The following ADK variants were observed in gnomAD, a reference collection of about 807,000 sequenced individuals.
ADK encodes the protein adenosine kinase.
Under a neutral mutation model 44.7 loss-of-function variants are expected in ADK, and 24 were observed. That is an observed-to-expected ratio of 0.54 (90% CI 0.39 to 0.76). The LOEUF (loss-of-function observed/expected upper bound fraction) is 0.76, where lower values mean the gene tolerates loss of function less well. Ranked by LOEUF, ADK falls within the 30% of genes least tolerant of loss-of-function variation. The probability of loss-of-function intolerance (pLI) is 0.00; values close to 1 mark genes in which losing one functional copy is unlikely to be tolerated. For missense variants in ADK, 321 were observed against 425.1 expected (o/e 0.76, Z 2.15); for synonymous variants, 128 against 142.6 (o/e 0.90, Z 0.73).
chr10:74,655,625 G>A (rs1186703720), intron 9 of ADK: 2 of 444,904 alleles, frequency 4.5e-6, no homozygotes, highest in African/African-American at 2.0e-5. Context: ...TGAGGAGGAG[G>A]CCAAGATAAA....
At position 74,474,253 on chromosome 10, in the gene ADK, G is replaced by A. The variant is rs1846725145; in HGVS notation, c.556-51003G>A. Among the ~76,000 whole-genome samples the A allele has an allele frequency of 2.0e-5, 3 of 151,964 alleles. No individual in the cohort carries two copies. In the South Asian group the frequency reaches 6.2e-4, roughly 32 times the overall value. On this transcript the variant is annotated intron_variant, in intron 6 of 10. Transcript: ENST00000539909. ...TGAGTAGCTAGGACTATAGGCATGT[G>A]CCACCACGCCCAATTAACTAATTCT...
At chr10:74,507,337 G>T (rs1848120922) in intron 6 of ADK, among the ~76,000 whole-genome samples, 1 of 152,124 alleles carries the variant, frequency 6.6e-6, no homozygotes, top group African/African-American at 2.4e-5. Flanking sequence ...TCTAGACTGG[G>T]CACAGTGGCT....
At chr10:74,308,588 T>C (rs1173854747) in intron 3 of ADK, among the ~76,000 whole-genome samples, 5 of 152,238 alleles carry the variant, frequency 3.3e-5, no homozygotes, top group Non-Finnish European at 5.9e-5. Context: ...GAATGACTTA[T>C]GTTTTTAATT....
intron 6 of ADK, among the ~76,000 whole-genome samples, chr10:74,400,012 T>C (rs1843654987): frequency 6.6e-6 from 1 of 152,140 alleles, no homozygotes; most frequent in Non-Finnish European, 1.5e-5. Flanking sequence ...TAGATTCAAC[T>C]TGCAGACAAC....
At chr10:74,429,405 C>G (rs1844903858) in intron 6 of ADK, among the ~76,000 whole-genome samples, 1 of 152,066 alleles carries the variant, frequency 6.6e-6, no homozygotes. Flanking sequence ...CAAACTATCC[C>G]AATTTTAAGA....
At chr10:74,236,236 A>C (rs182757511) in intron 3 of ADK, among the ~76,000 whole-genome samples, 133 of 152,324 alleles carry the variant, frequency 8.7e-4, no homozygotes, top group African/African-American at 3.1e-3. Flanking sequence ...AAATGAGCGA[A>C]CTGATTTCAA....
At chr10:74,405,170 A>G (rs1428931091) in intron 6 of ADK, among the ~76,000 whole-genome samples, 1 of 152,086 alleles carries the variant, frequency 6.6e-6, no homozygotes, top group East Asian at 1.9e-4. Flanking sequence ...TCAAATAAAT[A>G]AAGCTAAATA....
At chr10:74,311,103 C>T (rs144785815) in intron 3 of ADK, among the ~76,000 whole-genome samples, 7 of 152,208 alleles carry the variant, frequency 4.6e-5, no homozygotes, top group African/African-American at 1.2e-4. Flanking sequence ...CCTAATTTGG[C>T]GATAACTACT....
chr10:74,154,088 A>C (rs560956083), intron 1 of ADK, among the ~76,000 whole-genome samples: 5 of 152,272 alleles, frequency 3.3e-5, no homozygotes, highest in Admixed American at 6.5e-5. Flanking sequence ...TCTGTGAAGT[A>C]GGGTATCTGC....
chr10:74,398,078 A>G (rs1843581065), intron 5 of ADK, among the ~76,000 whole-genome samples: 1 of 152,128 alleles, frequency 6.6e-6, no homozygotes, highest in Non-Finnish European at 1.5e-5. Flanking sequence ...TAGTATGTTG[A>G]TATTTATTTT....
intron 6 of ADK, among the ~76,000 whole-genome samples, chr10:74,450,183 A>T (rs980756074): frequency 1.3e-5 from 2 of 152,148 alleles, no homozygotes; most frequent in African/African-American, 4.8e-5. Context: ...ACATGGTGGC[A>T]TGTGCCTGTA....
At chr10:74,424,854 T>G (rs1844736211) in intron 6 of ADK, among the ~76,000 whole-genome samples, 1 of 152,210 alleles carries the variant, frequency 6.6e-6, no homozygotes, top group Non-Finnish European at 1.5e-5. Flanking sequence ...TTTCATTTCT[T>G]CCCCTGAAAT....
At chr10:74,188,961 CG>C (rs1220294257) in intron 1 of ADK, among the ~76,000 whole-genome samples, 36 of 152,108 alleles carry the variant, frequency 2.4e-4, no homozygotes, top group African/African-American at 8.7e-4. Flanking sequence ...TTAGTAGAGA[CG>C]GGGTTTTACC....
intron 7 of ADK, among the ~76,000 whole-genome samples, chr10:74,560,251 G>A (rs1425082185): frequency 6.6e-6 from 1 of 152,056 alleles, no homozygotes; most frequent in Non-Finnish European, 1.5e-5. Context: ...TGCTTTTTTT[G>A]TATATGGAAC....
intron 10 of ADK, among the ~76,000 whole-genome samples, chr10:74,700,641 AAAAG>A (rs765529391): frequency 3.4e-4 from 52 of 152,162 alleles, no homozygotes; most frequent in Middle Eastern, 3.4e-3. Flanking sequence ...AAAGAAAAGA[AAAAG>A]AAAGAAAAGG....
In ADK at chr10:74,274,726, A is replaced by ATG. The variant is rs1412382961; in HGVS notation, c.195-39935_195-39934dup. ...GGTGATTAGTAGGAGAAAAATTTTA[A>ATG]TGTGTGTATATATATATATATACAC... On this transcript the variant is annotated intron_variant, in intron 3 of 10. Coordinates refer to ENST00000539909, the MANE Select transcript of ADK (RefSeq NM_006721.4). 5.6e-3 allele frequency among the ~76,000 whole-genome samples: 622 copies of ATG among 110,650 alleles called. 37 individuals carry two copies. Among genetic ancestry groups the ATG allele is most frequent in the East Asian group, 6.3e-3 (28 of 4,426 alleles). 72.6% of individuals were successfully genotyped at this position (110,650 alleles called of 152,430 possible).
intron 6 of ADK, among the ~76,000 whole-genome samples, chr10:74,402,793 G>A (rs1843766502): frequency 6.6e-6 from 1 of 152,144 alleles, no homozygotes; most frequent in Non-Finnish European, 1.5e-5. Flanking sequence ...TATTGCTGGC[G>A]AGGAGCTGTG....
At position 74,522,441 on chromosome 10, in the gene ADK, A is replaced by G. The variant is rs942844874; in HGVS notation, c.556-2815A>G. Among the ~76,000 whole-genome samples the G allele has an allele frequency of 6.6e-5, 10 of 152,118 alleles. 1 individual carries two copies. The highest frequency in any genetic ancestry group is 5.9e-4 in the Admixed American group (9 of 15,272). Reference sequence around the variant, plus strand: ...GGGTTTTCTCAATTGCTAGGGGGCCATATTTTGGGGTATTGTATTCTGGGC... The same window carrying G: ...GGGTTTTCTCAATTGCTAGGGGGCCGTATTTTGGGGTATTGTATTCTGGGC... On this transcript the variant is annotated intron_variant, in intron 6 of 10. Coordinates refer to ENST00000539909, the MANE Select transcript of ADK (RefSeq NM_006721.4).
chr10:74,655,785 G>T (rs895929802), intron 9 of ADK: 3 of 500,558 alleles, frequency 6.0e-6, no homozygotes, highest in East Asian at 4.7e-5. Flanking sequence ...ACCTATCCAG[G>T]ACATCAAGCC....
Sources: allele counts gnomAD v4.1 joint callset (sites outside exome capture counted in the v4.1 genomes callset), GRCh38; gene constraint gnomAD v4.1.1; transcripts MANE v1.5; gene names NCBI Gene and HGNC (gene_info 2026-07-23, HGNC 2026-07-21).